The following PRDM16 variants were observed in gnomAD, a reference collection of about 807,000 sequenced individuals.
PRDM16 encodes the protein histone-lysine N-methyltransferase PRDM16.
Under a neutral mutation model 110.6 loss-of-function variants are expected in PRDM16, and 23 were observed. The observed-to-expected ratio is 0.21, with a 90% CI of 0.15 to 0.29. The LOEUF is 0.29. PRDM16 is among the 10% of genes least tolerant of loss of function. PRDM16 has a pLI of 1.00. For synonymous variants in PRDM16, 799 were observed against 781.8 expected (o/e 1.02, Z -0.37); for missense variants, 1,615 against 1,794.3 (o/e 0.90, Z 1.81).
chr1:3,146,270 G>T (rs1009490253), intron 1 of PRDM16, among the ~76,000 whole-genome samples: 1 of 152,164 alleles, frequency 6.6e-6, no homozygotes, highest in Non-Finnish European at 1.5e-5. Context: ...ATCTGGGGTG[G>T]GGGGGGCCTC....
intron 3 of PRDM16, among the ~76,000 whole-genome samples, chr1:3,269,140 A>G (rs1319917791): frequency 2.6e-5 from 4 of 152,274 alleles, no homozygotes; most frequent in Non-Finnish European, 4.4e-5. Context: ...CCAGAGAGCA[A>G]TGGCCATGGC....
intron 3 of PRDM16, among the ~76,000 whole-genome samples, chr1:3,337,933 C>T (rs1233904652): frequency 1.3e-5 from 2 of 152,168 alleles, no homozygotes; most frequent in Non-Finnish European, 2.9e-5. Flanking sequence ...TGCACACAGA[C>T]ACATGTACAC....
intron 3 of PRDM16, among the ~76,000 whole-genome samples, chr1:3,374,336 G>T (rs1254738661): frequency 6.6e-6 from 1 of 152,208 alleles, no homozygotes; most frequent in Non-Finnish European, 1.5e-5. Context: ...ACCATAATGC[G>T]GGATCCCTTT....
At chr1:3,404,419 A>G (rs970383542) in intron 6 of PRDM16, among the ~76,000 whole-genome samples, 3 of 152,254 alleles carry the variant, frequency 2.0e-5, no homozygotes, top group African/African-American at 7.2e-5. Context: ...CTGCAAGGCC[A>G]GGACCAGCTT....
chr1:3,195,199 G>A (rs1016246295), intron 2 of PRDM16, among the ~76,000 whole-genome samples: 2 of 152,194 alleles, frequency 1.3e-5, no homozygotes, highest in Admixed American at 6.5e-5. Context: ...GGGCCTCGGC[G>A]TTGCTCCGGG....
At position 3,314,071 on chromosome 1, in the gene PRDM16, C is replaced by CTGGGGGGG. The variant is rs1553161914; in HGVS notation, c.438+69934_438+69935insTGGGGGGG. Among the ~76,000 whole-genome samples the CTGGGGGGG allele has an allele frequency of 3.0e-5, 3 of 100,662 alleles. 1 individual carries two copies. The East Asian group carries it at 1.1e-3, about 38-fold the overall frequency. 66.0% of individuals were successfully genotyped at this position (100,662 alleles called of 152,430 possible). On this transcript the variant is annotated intron_variant, in intron 3 of 16. Transcript: ENST00000270722. The stretch of plus-strand genomic sequence containing the variant: ...GCCCCCGAATGCCGTCCTTCCCCAC[C>CTGGGGGGG]GGGGGGGGGGGCGGGAACATAAAAT...
intron 2 of PRDM16, among the ~76,000 whole-genome samples, chr1:3,200,642 T>C (rs1036795139): frequency 6.6e-6 from 1 of 152,210 alleles, no homozygotes; most frequent in South Asian, 2.1e-4. Flanking sequence ...GCGCCCAGCC[T>C]AAGGTGGATT....
intron 3 of PRDM16, among the ~76,000 whole-genome samples, chr1:3,340,910 C>G (rs1205190827): frequency 2.0e-5 from 3 of 152,192 alleles, no homozygotes; most frequent in African/African-American, 7.2e-5. Context: ...TGCAGCAGGA[C>G]AGAGCTGGCT....
At chr1:3,336,541 T>C (rs1160872913) in intron 3 of PRDM16, among the ~76,000 whole-genome samples, 1 of 152,102 alleles carries the variant, frequency 6.6e-6, no homozygotes, top group Non-Finnish European at 1.5e-5. Context: ...TGAATCTGTG[T>C]GTGAGTGCAT....
chr1:3,357,567 G>A (rs554582044), intron 3 of PRDM16, among the ~76,000 whole-genome samples: 2 of 139,270 alleles, frequency 1.4e-5, no homozygotes, highest in South Asian at 2.1e-4. Flanking sequence ...TTCCCCCCAC[G>A]GGCCCCCAGC....
chr1:3,375,781 T>C (rs1003648723), intron 3 of PRDM16, among the ~76,000 whole-genome samples: 4 of 152,210 alleles, frequency 2.6e-5, no homozygotes, highest in Admixed American at 6.5e-5. Context: ...TCCTCTTTGC[T>C]TCCCTGTCTC....
At chr1:3,205,749 C>A (rs1294746954) in intron 2 of PRDM16, among the ~76,000 whole-genome samples, 1 of 152,080 alleles carries the variant, frequency 6.6e-6, no homozygotes, top group Non-Finnish European at 1.5e-5. Flanking sequence ...GCTGGGCAGT[C>A]CAGGGGCAAG....
chr1:3,387,600 T>C (rs1196904547), intron 4 of PRDM16, among the ~76,000 whole-genome samples: 2 of 152,154 alleles, frequency 1.3e-5, no homozygotes, highest in Non-Finnish European at 2.9e-5. Flanking sequence ...CTCCTGCCCA[T>C]GTCCCCGCAA....
chr1:3,086,736 A>C (rs1642160725), intron 1 of PRDM16, among the ~76,000 whole-genome samples: 1 of 152,096 alleles, frequency 6.6e-6, no homozygotes, highest in South Asian at 2.1e-4. Context: ...GGAGCTAACG[A>C]GTGGTTCTTG....
At chr1:3,264,818 TAACA>T (rs1481286203) in intron 3 of PRDM16, among the ~76,000 whole-genome samples, 1 of 151,900 alleles carries the variant, frequency 6.6e-6, no homozygotes, top group Non-Finnish European at 1.5e-5. Flanking sequence ...GAACAGAAGA[TAACA>T]AACAGACATA....
chr1:3,211,822 C>G (rs990203201), intron 2 of PRDM16, among the ~76,000 whole-genome samples: 1 of 152,228 alleles, frequency 6.6e-6, no homozygotes, highest in Admixed American at 6.5e-5. Flanking sequence ...CGTGTGCATG[C>G]GTGTGCGTGC....
intron 3 of PRDM16, among the ~76,000 whole-genome samples, chr1:3,317,676 G>C (rs1641643277): frequency 6.6e-6 from 1 of 152,210 alleles, no homozygotes; most frequent in Non-Finnish European, 1.5e-5. Flanking sequence ...GAAGCCGTCT[G>C]AGGGCAGCCA....
rs527808631 is a variant in PRDM16 at position 3,350,208 on chromosome 1, T to C, written c.439-34944T>C. Among the ~76,000 whole-genome samples, 3 of 152,244 alleles carry C rather than the reference T, an allele frequency of 2.0e-5. No individual in the cohort carries two copies. Among genetic ancestry groups the C allele is most frequent in the Non-Finnish European group, 4.4e-5 (3 of 68,010 alleles). On this transcript the variant is annotated intron_variant, in intron 3 of 16. Transcript: ENST00000270722. The surrounding 1 kb of genome is among the most constrained non-coding windows in gnomAD (Gnocchi z 7.1). ...TGATGTGATGGCATGTGCTGGTAGT[T>C]CCAGCTACTCAGGAGGCTGAGGCAG...
rs1184430768 is a variant in PRDM16, at chr1:3,101,460, C to T, written c.37+32164C>T. Among the ~76,000 whole-genome samples the T allele has an allele frequency of 3.9e-5, 6 of 152,236 alleles. No homozygotes were observed. The South Asian group carries it at 8.3e-4, about 21-fold the overall frequency. Reference sequence around the variant, plus strand: ...CCTGAATGGGCAGCCGCACCACCAGCGTGAGCGGACGTCCCAGCACCTTTG... The same window carrying T: ...CCTGAATGGGCAGCCGCACCACCAGTGTGAGCGGACGTCCCAGCACCTTTG... On this transcript the variant is annotated intron_variant, in intron 1 of 16. Transcript: ENST00000270722.
Sources: allele counts gnomAD v4.1 joint callset (sites outside exome capture counted in the v4.1 genomes callset), GRCh38; gene constraint gnomAD v4.1.1; non-coding constraint Gnocchi (gnomAD v3.1); transcripts MANE v1.5; gene names NCBI Gene and HGNC (gene_info 2026-07-23, HGNC 2026-07-21).